The following SLC30A4 variants were observed in gnomAD, a reference collection of about 807,000 sequenced individuals.
SLC30A4 encodes the protein probable proton-coupled zinc antiporter SLC30A4.
SLC30A4 carries 20 observed loss-of-function variants against 41.7 expected under a neutral mutation model. The observed-to-expected ratio is 0.48, with a 90% CI of 0.34 to 0.70. The LOEUF is 0.70. SLC30A4 is among the 30% of genes least tolerant of loss of function. The pLI is 0.01. For synonymous variants in SLC30A4, 181 were observed against 195.9 expected (o/e 0.92, Z 0.64); for missense variants, 441 against 529.3 (o/e 0.83, Z 1.64).
intron 2 of SLC30A4, among the ~76,000 whole-genome samples, chr15:45,515,273 C>A (rs1276015021): frequency 6.6e-6 from 1 of 152,064 alleles, no homozygotes; most frequent in Non-Finnish European, 1.5e-5. Context: ...TGTGATCTTC[C>A]CACCTCAGCC....
At chr15:45,500,833 C>A (rs947004190) in intron 3 of SLC30A4, among the ~76,000 whole-genome samples, 31 of 151,746 alleles carry the variant, frequency 2.0e-4, no homozygotes, top group Non-Finnish European at 4.3e-4. Flanking sequence ...TAGGCGGCCG[C>A]CAACATGCCC....
At chr15:45,493,222 A>G (rs1482012603) in intron 3 of SLC30A4, among the ~76,000 whole-genome samples, 1 of 152,184 alleles carries the variant, frequency 6.6e-6, no homozygotes, top group Non-Finnish European at 1.5e-5. Flanking sequence ...CAGTGAGCCA[A>G]GATCACACCA....
At chr15:45,511,735 C>A (rs1342254350) in intron 2 of SLC30A4, among the ~76,000 whole-genome samples, 4 of 152,218 alleles carry the variant, frequency 2.6e-5, no homozygotes, top group Admixed American at 6.5e-5. Context: ...CCACTCGCCT[C>A]GGCCTTGCAA....
In SLC30A4 at chr15:45,482,416, A is replaced by C. The variant is rs371400030; in HGVS notation, c.*2747T>G. On this transcript the variant is annotated 3_prime_UTR_variant, in exon 8 of 8. Coordinates refer to ENST00000261867, the MANE Select transcript of SLC30A4 (RefSeq NM_013309.6). ...CTGGGTGACAGTGAGACACCATCTT[A>C]AAAAAAAAAAAAGAATTCTTTTCAA... The C allele has an allele frequency of 3.9e-5, 5 of 128,408 alleles. No homozygotes were observed. The highest frequency in any genetic ancestry group is 1.5e-4 in the African/African-American group (5 of 34,370). 8.0% of individuals were successfully genotyped at this position (128,408 alleles called of 1,614,324 possible). A position where few individuals can be genotyped will look rare whatever the true frequency, so the allele number is the denominator to read the frequency against.
At position 45,506,097 on chromosome 15, in the gene SLC30A4, C is replaced by G. The variant is rs546337912; in HGVS notation, c.538+5041G>C. 2.7e-4 allele frequency among the ~76,000 whole-genome samples: 41 copies of G among 152,122 alleles called. 1 individual carries two copies. Among genetic ancestry groups the G allele is most frequent in the African/African-American group, 9.6e-4 (40 of 41,500 alleles). ...TGGTGCATGCCTGTGGTCCCAGTCC[C>G]AGTCCCAGCTACTCGAGAGGCTGAG... On this transcript the variant is annotated intron_variant, in intron 3 of 7. Coordinates refer to ENST00000261867, the MANE Select transcript of SLC30A4 (RefSeq NM_013309.6).
chr15:45,514,317 C>A (rs140492941), intron 2 of SLC30A4, among the ~76,000 whole-genome samples: 3 of 146,202 alleles, frequency 2.1e-5, no homozygotes, highest in Non-Finnish European at 4.5e-5. Flanking sequence ...GCTGAGATTG[C>A]GCCATTGTAC....
intron 3 of SLC30A4, among the ~76,000 whole-genome samples, chr15:45,510,069 C>T (rs1416508811): frequency 6.6e-6 from 1 of 152,074 alleles, no homozygotes; most frequent in African/African-American, 2.4e-5. Flanking sequence ...AAGAAGATCA[C>T]ACCACTGCAC....
chr15:45,514,385 G>A lies in SLC30A4; in HGVS notation c.392-3101C>T, dbSNP rs1013352618. Among the ~76,000 whole-genome samples the A allele has an allele frequency of 5.4e-5, 8 of 147,864 alleles. No individual in the cohort carries two copies. In the East Asian group the frequency reaches 1.6e-3, roughly 30 times the overall value. ...TCAAAAAAAAAAAAAAAAAATTATA[G>A]AAATGTGTATCCTCCAGCTATGGGA... is the stretch of plus-strand genomic sequence containing the variant. On this transcript the variant is annotated intron_variant, in intron 2 of 7. Transcript: ENST00000261867.
chr15:45,515,029 G>A (rs1331452273), intron 2 of SLC30A4, among the ~76,000 whole-genome samples: 1 of 151,558 alleles, frequency 6.6e-6, no homozygotes, highest in Non-Finnish European at 1.5e-5. Context: ...ACAGGCATGT[G>A]CCACCACACC....
intron 3 of SLC30A4, among the ~76,000 whole-genome samples, chr15:45,496,163 T>C (rs1250493752): frequency 6.6e-6 from 1 of 152,178 alleles, no homozygotes; most frequent in Admixed American, 6.5e-5. Flanking sequence ...ATATAATCAT[T>C]TATTCTGATA....
rs755392997 is a variant in SLC30A4 at position 45,485,130 on chromosome 15, T to C, written c.*33A>G. The C allele has an allele frequency of 6.3e-7, 1 of 1,580,274 alleles. No individual in the cohort carries two copies. The highest frequency in any genetic ancestry group is 1.8e-5 in the Admixed American group (1 of 56,008). ...TGCTCTCAAGTCTGTGACTGCAGGA[T>C]AAATAAGGCAGGAGTTCCCAAAATA... On this transcript the variant is annotated 3_prime_UTR_variant, in exon 8 of 8. Coordinates refer to ENST00000261867, the MANE Select transcript of SLC30A4 (RefSeq NM_013309.6).
At chr15:45,495,698 C>G (rs1034062133) in intron 3 of SLC30A4, among the ~76,000 whole-genome samples, 1 of 152,174 alleles carries the variant, frequency 6.6e-6, no homozygotes, top group African/African-American at 2.4e-5. Flanking sequence ...AGGACTCCCA[C>G]CCTTACAAGG....
At position 45,482,879 on chromosome 15, in the gene SLC30A4, C is replaced by T. The variant is rs1235192238; in HGVS notation, c.*2284G>A. 1.3e-5 allele frequency: 2 copies of T among 152,048 alleles called. No homozygotes were observed. The highest frequency in any genetic ancestry group is 2.9e-5 in the Non-Finnish European group (2 of 67,980). 9.4% of individuals were successfully genotyped at this position (152,048 alleles called of 1,614,324 possible). On this transcript the variant is annotated 3_prime_UTR_variant, in exon 8 of 8. Coordinates refer to ENST00000261867, the MANE Select transcript of SLC30A4 (RefSeq NM_013309.6). ...TGGACATGGCTCACTGCAGCCTCAA[C>T]CTCCTGGGCTAAAGCACTTCTGCCA... is the stretch of plus-strand genomic sequence containing the variant.
chr15:45,521,637 C>A (rs1467614529), intron 2 of SLC30A4, among the ~76,000 whole-genome samples: 1 of 152,004 alleles, frequency 6.6e-6, no homozygotes, highest in Non-Finnish European at 1.5e-5. Flanking sequence ...CTATTTTAAA[C>A]GTTGCGAAAA....
At chr15:45,489,156 C>A in intron 4 of SLC30A4, 114 bp from the exon 5 acceptor site, 1 of 785,262 alleles carries the variant, frequency 1.3e-6, no homozygotes, top group South Asian at 1.8e-5. Context: ...AAATTTGGAG[C>A]AACTATTATT....
At chr15:45,490,903 AC>A (rs1424233107) in intron 3 of SLC30A4, 22 bp from the exon 4 acceptor site, 1 of 1,509,150 alleles carries the variant, frequency 6.6e-7, no homozygotes, top group Non-Finnish European at 8.9e-7. Flanking sequence ...AACACATATA[AC>A]AAATACATTT....
chr15:45,500,759 C>T (rs939397860), intron 3 of SLC30A4, among the ~76,000 whole-genome samples: 26 of 151,634 alleles, frequency 1.7e-4, no homozygotes, highest in Admixed American at 1.4e-3. Context: ...CTTGGCTCAC[C>T]GCAACCTCTG....
rs142256833 is a variant in SLC30A4, at chr15:45,511,640, C to T, written c.392-356G>A. Among the ~76,000 whole-genome samples, 153 of 152,226 alleles carry T rather than the reference C, an allele frequency of 1.0e-3. 2 individuals are homozygous for T. The East Asian group carries it at 0.028, about 28-fold the overall frequency. The stretch of plus-strand genomic sequence containing the variant: ...CTGGGACTACAGGCACGTGCCACCA[C>T]GCCCGGCTAATTTTTGTATTTTTAG... On this transcript the variant is annotated intron_variant, in intron 2 of 7. Transcript: ENST00000261867.
chr15:45,516,949 A>G (rs1372759375), intron 2 of SLC30A4, among the ~76,000 whole-genome samples: 1 of 152,192 alleles, frequency 6.6e-6, no homozygotes, highest in Non-Finnish European at 1.5e-5. Flanking sequence ...GAGAGGCATC[A>G]GGAACAAGCA....
Sources: gnomAD v4.1 joint callset for allele counts (sites outside exome capture counted in the v4.1 genomes callset) on GRCh38, gnomAD v4.1.1 for gene constraint, MANE v1.5 for transcripts, NCBI Gene and HGNC (gene_info 2026-07-23, HGNC 2026-07-21) for gene names.